Variants in EBF4 observed in about 807,000 individuals in gnomAD.
EBF4 encodes EBF transcription factor 4.
EBF4 carries 34 observed loss-of-function variants against 67.1 expected under a neutral mutation model. The ratio of observed to expected loss-of-function variants is 0.51; its 90% CI spans 0.39 to 0.67. EBF4 has a LOEUF of 0.67. EBF4 is among the 30% of genes least tolerant of loss of function. The pLI, the probability that EBF4 is intolerant of heterozygous loss-of-function variation, is 0.00. For missense variants in EBF4, 837 were observed against 873.3 expected, an observed-to-expected ratio of 0.96 and a Z score of 0.52; for synonymous variants, 387 against 377.7, an observed-to-expected ratio of 1.02 and a Z score of -0.29.
intron 6 of EBF4, among the ~76,000 whole-genome samples, chr20:2,714,770 G>A (rs1316447236): frequency 1.3e-5 from 2 of 152,050 alleles, no homozygotes; most frequent in African/African-American, 2.4e-5. Flanking sequence ...ATTTAACTTT[G>A]CCTATGGTGA....
chr20:2,697,273 C>T (rs371158981), intron 1 of EBF4, among the ~76,000 whole-genome samples: 56 of 152,144 alleles, frequency 3.7e-4, no homozygotes, highest in African/African-American at 1.1e-3. Context: ...GGGCCGGGTG[C>T]GATGGCTCAC....
intron 3 of EBF4, 44 bp downstream of exon 3, chr20:2,706,081 T>C (rs1333675743): frequency 9.0e-6 from 14 of 1,547,570 alleles, no homozygotes; most frequent in Non-Finnish European, 1.1e-5. Context: ...CCCTGAAGTC[T>C]GGGCACTGCA....
At position 2,707,791 on chromosome 20, in the gene EBF4, C is replaced by G. The variant is rs757311734; in HGVS notation, c.415-156C>G. 6.6e-6 allele frequency among the ~76,000 whole-genome samples: 1 copy of G among 152,158 alleles called. No homozygotes were observed. The highest frequency in any genetic ancestry group is 2.4e-5 in the African/African-American group (1 of 41,448). ...CGGTTTGGGAGGAGGGGTTATCCCC[C>G]GCCTGGGCAGCCCAGAGCAAGGCAG... is the stretch of plus-strand genomic sequence containing the variant. On this transcript the variant is annotated intron_variant, in intron 4 of 16. Coordinates refer to ENST00000609451, the Ensembl canonical transcript of EBF4. This position sits in a 1 kb window ranked among gnomAD's most constrained non-coding sequence, Gnocchi z 4.6.
At chr20:2,750,219 T>G (rs1394125335) in intron 10 of EBF4, among the ~76,000 whole-genome samples, 1 of 151,054 alleles carries the variant, frequency 6.6e-6, no homozygotes, top group Admixed American at 6.6e-5. Flanking sequence ...CGGGGCAAAG[T>G]CCCCCCCACA....
Position 2,693,616 on chromosome 20 carries a change from G to A in EBF4, c.-30G>A. Reference sequence around the variant, plus strand: ...GCCTCAGCGGGACCGGATCCGGGGCGGCGGGGGCGCTCACTCACCGCGCGC... The same window carrying A: ...GCCTCAGCGGGACCGGATCCGGGGCAGCGGGGGCGCTCACTCACCGCGCGC... On this transcript the variant is annotated 5_prime_UTR_variant, in exon 1 of 17. Transcript: ENST00000609451. The surrounding 1 kb of genome is among the most constrained non-coding windows in gnomAD (Gnocchi z 4.6). 1 of 1,362,754 alleles carries A rather than the reference G, an allele frequency of 7.3e-7. No individual in the cohort carries two copies. The highest frequency in any genetic ancestry group is 3.1e-5 in the East Asian group (1 of 32,484). The allele number at this position is 1,362,754 out of a possible 1,614,324, so 84.4% of individuals were successfully genotyped here.
chr20:2,717,994 A>G (rs1439484929), intron 6 of EBF4, among the ~76,000 whole-genome samples: 33 of 152,076 alleles, frequency 2.2e-4, no homozygotes, highest in Admixed American at 2.2e-3. Flanking sequence ...TATTTTTAGT[A>G]GAGACGGAGT....
intron 14 of EBF4, chr20:2,754,954 G>C (rs2088213545): frequency 7.5e-6 from 1 of 134,208 alleles, no homozygotes; most frequent in African/African-American, 2.9e-5. Flanking sequence ...GCTGGAAGTG[G>C]GAGATTCAGG....
intron 1 of EBF4, among the ~76,000 whole-genome samples, chr20:2,697,828 T>G (rs2087318271): frequency 6.6e-6 from 1 of 152,170 alleles, no homozygotes; most frequent in South Asian, 2.1e-4. Flanking sequence ...AGCTCTCTTC[T>G]CCTTCTGATG....
intron 1 of EBF4, among the ~76,000 whole-genome samples, chr20:2,705,189 C>A (rs748221952): frequency 1.6e-4 from 24 of 152,236 alleles, no homozygotes; most frequent in Non-Finnish European, 7.3e-5. Flanking sequence ...CCCGGGGTCT[C>A]CTTGAAGCCC....
chr20:2,723,357 T>A (rs1044319146), intron 6 of EBF4, among the ~76,000 whole-genome samples: 5 of 152,176 alleles, frequency 3.3e-5, no homozygotes, highest in South Asian at 2.1e-4. Context: ...TATTTTTTTT[T>A]ATTTTTTCTT....
rs967058880 is a variant in EBF4 at position 2,747,627 on chromosome 20, T to C, written c.558-922T>C. ...GCTTTTCCTATGTGTATAATGGATA[T>C]AAAATGTGTGGGAGGAGGATATGCC... On this transcript the variant is annotated intron_variant, in intron 6 of 16. Transcript: ENST00000609451. The surrounding 1 kb of genome is among the most constrained non-coding windows in gnomAD (Gnocchi z 4.6). 2.6e-5 allele frequency among the ~76,000 whole-genome samples: 4 copies of C among 152,196 alleles called. No individual in the cohort carries two copies. Among genetic ancestry groups the C allele is most frequent in the Admixed American group, 6.5e-5 (1 of 15,272 alleles).
At chr20:2,737,637 CGA>C (rs1465112365) in intron 6 of EBF4, among the ~76,000 whole-genome samples, 2 of 151,918 alleles carry the variant, frequency 1.3e-5, no homozygotes, top group African/African-American at 2.4e-5. Flanking sequence ...CCACCCTTAC[CGA>C]TCATCTTAGA....
chr20:2,707,998 C>G lies in EBF4; in HGVS notation c.466C>G (p.Leu156Val). Reference sequence around the variant, plus strand: ...GAACCCCGAAATGTGCCGAGTGCTGCTCACCCATGAGATCATGTGCAGGTG... The same window carrying G: ...GAACCCCGAAATGTGCCGAGTGCTGGTCACCCATGAGATCATGTGCAGGTG... The change falls in exon 5 of 17, where the codon CTC (leucine) becomes GTC (valine). Residue 156 changes from leucine to valine, a missense_variant. Physicochemically the swap from Leu to Val is conservative, Grantham distance 32. Coordinates refer to ENST00000609451, the Ensembl canonical transcript of EBF4. The surrounding 1 kb of genome is among the most constrained non-coding windows in gnomAD (Gnocchi z 4.6). 6.2e-6 allele frequency: 10 copies of G among 1,609,302 alleles called. No homozygotes were observed. Among genetic ancestry groups the G allele is most frequent in the Non-Finnish European group, 8.5e-6 (10 of 1,177,522 alleles).
At chr20:2,731,099 A>G (rs535579409) in intron 6 of EBF4, among the ~76,000 whole-genome samples, 1 of 152,062 alleles carries the variant, frequency 6.6e-6, no homozygotes. Context: ...GGGTTTCACC[A>G]TGTTGGTCAG....
intron 6 of EBF4, among the ~76,000 whole-genome samples, chr20:2,732,651 A>G (rs553328415): frequency 6.6e-6 from 1 of 152,340 alleles, no homozygotes; most frequent in East Asian, 1.9e-4. Context: ...TCTCACATAG[A>G]CAGCATATAG....
intron 6 of EBF4, among the ~76,000 whole-genome samples, chr20:2,727,432 C>T (rs2087760304): frequency 6.6e-6 from 1 of 152,148 alleles, no homozygotes. Flanking sequence ...CACAGTTGTC[C>T]CTGCAGAAAT....
intron 1 of EBF4, among the ~76,000 whole-genome samples, chr20:2,694,734 G>A (rs2087263771): frequency 6.6e-6 from 1 of 152,100 alleles, no homozygotes; most frequent in South Asian, 2.1e-4. Flanking sequence ...AATGCAGACC[G>A]GGCCTGACAC....
exon 17 of EBF4, chr20:2,759,268 G>A (rs1275794003): frequency 6.2e-6 from 3 of 482,240 alleles, no homozygotes; most frequent in African/African-American, 1.9e-5. Flanking sequence ...GCCCCACCAG[G>A]TCTGCAGCTG....
At chr20:2,741,192 G>T (rs1040479890) in intron 6 of EBF4, among the ~76,000 whole-genome samples, 1 of 152,080 alleles carries the variant, frequency 6.6e-6, no homozygotes, top group African/African-American at 2.4e-5. Context: ...GTGACCTGTA[G>T]TCCCACCTGC....
Sources: allele counts gnomAD v4.1 joint callset (sites outside exome capture counted in the v4.1 genomes callset), GRCh38; gene constraint gnomAD v4.1.1; non-coding constraint Gnocchi (gnomAD v3.1); transcripts MANE v1.5; gene names NCBI Gene and HGNC (gene_info 2026-07-23, HGNC 2026-07-21).